CCDC126: variants seen among roughly 807,000 people sequenced by gnomAD.
The protein encoded by CCDC126 is coiled-coil domain-containing protein 126.
CCDC126 carries 5 observed loss-of-function variants against 11.7 expected under a neutral mutation model. The ratio of observed to expected loss-of-function variants is 0.43; its 90% CI spans 0.22 to 0.90. The LOEUF is 0.90. CCDC126 is among the 40% of genes least tolerant of loss of function. CCDC126 has a pLI of 0.27. For missense variants in CCDC126, 150 were observed against 163.1 expected (o/e 0.92, Z 0.44); for synonymous variants, 60 against 61.9 (o/e 0.97, Z 0.14).
At chr7:23,629,247 T>C (rs1385699924) in intron 3 of CCDC126, among the ~76,000 whole-genome samples, 1 of 152,194 alleles carries the variant, frequency 6.6e-6, no homozygotes, top group Non-Finnish European at 1.5e-5. Context: ...GACTCTACCC[T>C]TATGAATGGG....
chr7:23,601,576 A>G (rs1782544869), intron 2 of CCDC126, among the ~76,000 whole-genome samples: 1 of 152,186 alleles, frequency 6.6e-6, no homozygotes, highest in African/African-American at 2.4e-5. Flanking sequence ...TCCTGTGCTG[A>G]AAGTTTGGAT....
intron 3 of CCDC126, among the ~76,000 whole-genome samples, chr7:23,613,597 C>T (rs1223831064): frequency 6.6e-6 from 1 of 152,124 alleles, no homozygotes; most frequent in African/African-American, 2.4e-5. Context: ...AAATGCATTC[C>T]ATCCACCCCC....
chr7:23,600,402 C>T (rs1025532987), intron 2 of CCDC126, among the ~76,000 whole-genome samples: 8 of 137,028 alleles, frequency 5.8e-5, no homozygotes, highest in Non-Finnish European at 1.2e-4. Context: ...CCATATTAGC[C>T]TCAGGCAGTG....
intron 3 of CCDC126, among the ~76,000 whole-genome samples, chr7:23,614,644 C>A (rs1354582547): frequency 6.6e-6 from 1 of 152,180 alleles, no homozygotes; most frequent in African/African-American, 2.4e-5. Context: ...AATAATAAGA[C>A]TTAAAAGTCC....
At chr7:23,638,796 T>TA (rs34226997) in intron 3 of CCDC126, among the ~76,000 whole-genome samples, 22,790 of 125,718 alleles carry the variant, frequency 0.18, 1,392 homozygotes, top group Non-Finnish European at 0.24. Context: ...CTCAACAAGT[T>TA]AAAAAATGTT....
chr7:23,640,253 T>C (rs1783330141), intron 3 of CCDC126, among the ~76,000 whole-genome samples: 1 of 151,490 alleles, frequency 6.6e-6, no homozygotes, highest in Admixed American at 6.6e-5. Flanking sequence ...ATCCCAGCAC[T>C]TTGGGAGGCC....
chr7:23,631,687 A>G (rs1463603206), intron 3 of CCDC126, among the ~76,000 whole-genome samples: 2 of 151,962 alleles, frequency 1.3e-5, no homozygotes, highest in African/African-American at 2.4e-5. Context: ...CTTGAACCCT[A>G]GAGGCAGAGG....
At chr7:23,625,578 T>G (rs1203435599) in intron 3 of CCDC126, among the ~76,000 whole-genome samples, 1 of 152,038 alleles carries the variant, frequency 6.6e-6, no homozygotes, top group African/African-American at 2.4e-5. Flanking sequence ...TTCTTGTACA[T>G]ATGAGAATGT....
Position 23,643,930 on chromosome 7 carries a change from C to T in CCDC126, c.*815C>T, listed in dbSNP as rs975981166. ...ATGAATGTTCATTTAAAAGTTTAAT[C>T]CTTTGAGTGTCTATGCTATCAGGAA... On this transcript the variant is annotated 3_prime_UTR_variant, in exon 4 of 4. Transcript: ENST00000307471. 2.6e-5 allele frequency: 4 copies of T among 151,972 alleles called. No individual in the cohort carries two copies. Among genetic ancestry groups the T allele is most frequent in the African/African-American group, 9.7e-5 (4 of 41,402 alleles). 9.4% of individuals were successfully genotyped at this position (151,972 alleles called of 1,614,324 possible).
intron 3 of CCDC126, among the ~76,000 whole-genome samples, chr7:23,630,258 G>C (rs1472000558): frequency 2.0e-5 from 3 of 152,042 alleles, no homozygotes; most frequent in Non-Finnish European, 4.4e-5. Context: ...CAGCACTTTG[G>C]GAGGCCAAGG....
chr7:23,632,342 C>T (rs28708572), intron 3 of CCDC126, among the ~76,000 whole-genome samples: 7,465 of 152,268 alleles, frequency 0.049, 523 homozygotes, highest in African/African-American at 0.15. Flanking sequence ...GTGATCCGCC[C>T]GCCTTGGCCT....
chr7:23,628,587 A>T (rs1035417001), intron 3 of CCDC126, among the ~76,000 whole-genome samples: 3 of 152,246 alleles, frequency 2.0e-5, no homozygotes, highest in Admixed American at 6.5e-5. Context: ...TGAGGCATAC[A>T]ACATTCCTGC....
At chr7:23,619,485 C>A in intron 3 of CCDC126, 1 of 376,340 alleles carries the variant, frequency 2.7e-6, no homozygotes, top group Admixed American at 3.1e-5. Flanking sequence ...TTCCCCAACA[C>A]CCTTCCTGCC....
chr7:23,618,538 A>ATTTTTT (rs5741645), intron 3 of CCDC126, among the ~76,000 whole-genome samples: 1 of 119,616 alleles, frequency 8.4e-6, no homozygotes, highest in Non-Finnish European at 1.7e-5. Flanking sequence ...GATCAGCTAA[A>ATTTTTT]TTTTTTTTTT....
At chr7:23,625,946 C>G (rs1243311247) in intron 3 of CCDC126, among the ~76,000 whole-genome samples, 1 of 151,818 alleles carries the variant, frequency 6.6e-6, no homozygotes, top group Non-Finnish European at 1.5e-5. Context: ...CTTGAGCCAC[C>G]GCTCCTGGCC....
intron 3 of CCDC126, among the ~76,000 whole-genome samples, chr7:23,626,306 A>G (rs1001784849): frequency 6.6e-6 from 1 of 152,154 alleles, no homozygotes; most frequent in Non-Finnish European, 1.5e-5. Context: ...AGGAGTACAA[A>G]TTATAATAAG....
At chr7:23,620,845 C>G (rs1397031736) in intron 3 of CCDC126, among the ~76,000 whole-genome samples, 1 of 152,112 alleles carries the variant, frequency 6.6e-6, no homozygotes, top group East Asian at 1.9e-4. Context: ...AATCCTTTCC[C>G]CATTGCTTGT....
At chr7:23,620,682 G>C (rs1485703736) in intron 3 of CCDC126, among the ~76,000 whole-genome samples, 7 of 152,202 alleles carry the variant, frequency 4.6e-5, no homozygotes, top group East Asian at 3.9e-4. Context: ...GTATTGCCTA[G>C]GTTTTCTTCT....
At chr7:23,636,172 G>C (rs999736085) in intron 3 of CCDC126, among the ~76,000 whole-genome samples, 4 of 152,192 alleles carry the variant, frequency 2.6e-5, no homozygotes, top group African/African-American at 9.6e-5. Context: ...AGTGCTCAAT[G>C]GTGCCCAGGC....
Sources: gnomAD v4.1 joint callset for allele counts (sites outside exome capture counted in the v4.1 genomes callset) on GRCh38, gnomAD v4.1.1 for gene constraint, MANE v1.5 for transcripts, NCBI Gene and HGNC (gene_info 2026-07-23, HGNC 2026-07-21) for gene names.